Variants in BBS9 observed in about 807,000 individuals in gnomAD.
BBS9 encodes the protein protein PTHB1.
In BBS9, 89 loss-of-function variants were observed where a neutral mutation model predicts 117.7. That is an observed-to-expected ratio of 0.76 (90% CI 0.64 to 0.90). The LOEUF (loss-of-function observed/expected upper bound fraction) is 0.90. BBS9 is among the 40% of genes least tolerant of loss of function. BBS9 has a pLI of 0.00. For synonymous variants in BBS9, 379 were observed against 370.9 expected, an observed-to-expected ratio of 1.02 and a Z score of -0.25; for missense variants, 982 against 1,042.2, an observed-to-expected ratio of 0.94 and a Z score of 0.80.
intron 19 of BBS9, among the ~76,000 whole-genome samples, chr7:33,415,714 G>A (rs1376904684): frequency 1.3e-5 from 2 of 152,136 alleles, no homozygotes; most frequent in East Asian, 3.9e-4. Flanking sequence ...ACACTCCCAA[G>A]AAAGCGTAGT....
At chr7:33,566,280 T>C (rs1413978002) in intron 21 of BBS9, among the ~76,000 whole-genome samples, 1 of 131,920 alleles carries the variant, frequency 7.6e-6, no homozygotes, top group Admixed American at 8.5e-5. Flanking sequence ...GTCTGTACTT[T>C]TGCCAAGTTT....
intron 19 of BBS9, among the ~76,000 whole-genome samples, chr7:33,435,683 C>A (rs1584818309): frequency 6.6e-6 from 1 of 152,108 alleles, no homozygotes; most frequent in Admixed American, 6.6e-5. Flanking sequence ...AACCAGTTTG[C>A]CCCATTTGCA....
intron 9 of BBS9, among the ~76,000 whole-genome samples, chr7:33,284,746 C>T (rs1259429942): frequency 6.6e-6 from 1 of 152,050 alleles, no homozygotes; most frequent in Non-Finnish European, 1.5e-5. Flanking sequence ...TTTGTTTTCT[C>T]TGTTTTCTGT....
At chr7:33,357,794 A>C in intron 15 of BBS9, 61 bp from the exon 16 acceptor site, 4 of 1,524,974 alleles carry the variant, frequency 2.6e-6, no homozygotes, top group Non-Finnish European at 1.8e-6. Flanking sequence ...TAGTAGTACA[A>C]TTTTTTTTTG....
intron 21 of BBS9, among the ~76,000 whole-genome samples, chr7:33,548,626 C>T (rs1853825607): frequency 6.6e-6 from 1 of 151,230 alleles, no homozygotes; most frequent in Non-Finnish European, 1.5e-5. Flanking sequence ...CGATAGTTTA[C>T]CAACAACAGA....
At chr7:33,405,012 A>G (rs1325826199) in intron 19 of BBS9, among the ~76,000 whole-genome samples, 1 of 152,200 alleles carries the variant, frequency 6.6e-6, no homozygotes, top group Non-Finnish European at 1.5e-5. Context: ...ATTTTGAGAT[A>G]TGTCCCATCA....
intron 6 of BBS9, among the ~76,000 whole-genome samples, chr7:33,262,395 C>A (rs755485108): frequency 6.6e-6 from 1 of 152,138 alleles, no homozygotes; most frequent in Non-Finnish European, 1.5e-5. Flanking sequence ...AATGAACCAC[C>A]TATGTAACTA....
intron 5 of BBS9, among the ~76,000 whole-genome samples, chr7:33,251,351 A>G (rs1796189412): frequency 6.6e-6 from 1 of 152,194 alleles, no homozygotes; most frequent in Non-Finnish European, 1.5e-5. Flanking sequence ...GCTGTAAATT[A>G]TCCCTGAACC....
chr7:33,562,654 G>A (rs1416723873), intron 21 of BBS9, among the ~76,000 whole-genome samples: 2 of 152,174 alleles, frequency 1.3e-5, no homozygotes, highest in Admixed American at 6.5e-5. Flanking sequence ...GGCTGGGCGC[G>A]GTGGCTCATG....
intron 19 of BBS9, among the ~76,000 whole-genome samples, chr7:33,429,978 A>G (rs1834200324): frequency 6.6e-6 from 1 of 152,146 alleles, no homozygotes; most frequent in Admixed American, 6.5e-5. Context: ...CCCATGAGGA[A>G]AGGGTCTTTT....
At chr7:33,347,427 C>T (rs1447897386) in intron 12 of BBS9, among the ~76,000 whole-genome samples, 1 of 151,864 alleles carries the variant, frequency 6.6e-6, no homozygotes, top group Non-Finnish European at 1.5e-5. Flanking sequence ...CAGGGTTTTA[C>T]TAAAAAGGTA....
intron 21 of BBS9, among the ~76,000 whole-genome samples, chr7:33,563,537 A>G (rs1016514309): frequency 5.9e-5 from 9 of 152,232 alleles, no homozygotes; most frequent in Non-Finnish European, 1.5e-5. Context: ...TAACTTTGTT[A>G]TGGCCTATTG....
chr7:33,273,137 A>G lies in BBS9; in HGVS notation c.828A>G (p.Gln276=), dbSNP rs1800122700. Residue 276 remains glutamine, a synonymous_variant, in exon 8 of 23, where the codon CAA becomes CAG. Transcript: ENST00000242067. ...RNFFCLKDNG[Q]IRFMKKLDWS... ...TTTTTTGCCTTAAGGATAATGGACA[A>G]ATTCGATTCATGAAGAAGCTTGATT... The G allele has an allele frequency of 6.2e-7, 1 of 1,613,740 alleles. No homozygotes were observed. The highest frequency in any genetic ancestry group is 2.2e-5 in the East Asian group (1 of 44,804).
intron 4 of BBS9, among the ~76,000 whole-genome samples, chr7:33,175,462 T>C (rs1797212704): frequency 6.6e-6 from 1 of 152,192 alleles, no homozygotes. Flanking sequence ...TTAAATTTAA[T>C]GGCCTTTAAC....
intron 4 of BBS9, among the ~76,000 whole-genome samples, chr7:33,158,382 G>A (rs1794378708): frequency 1.3e-5 from 2 of 152,114 alleles, no homozygotes; most frequent in Non-Finnish European, 2.9e-5. Flanking sequence ...AATCATATAT[G>A]CTATATTCAG....
intron 4 of BBS9, among the ~76,000 whole-genome samples, chr7:33,168,093 A>T (rs1301021306): frequency 2.0e-5 from 3 of 152,218 alleles, no homozygotes; most frequent in Non-Finnish European, 4.4e-5. Flanking sequence ...TTCATGTTTG[A>T]CAGTGCTTCC....
At chr7:33,158,964 T>C (rs1481106620) in intron 4 of BBS9, among the ~76,000 whole-genome samples, 1 of 127,546 alleles carries the variant, frequency 7.8e-6, no homozygotes, top group Admixed American at 8.0e-5. Flanking sequence ...GAAAATAGAA[T>C]GAGGTACAGA....
chr7:33,507,929 A>G (rs10224676), intron 20 of BBS9, among the ~76,000 whole-genome samples: 3,004 of 152,192 alleles, frequency 0.02, 77 homozygotes, highest in African/African-American at 0.055. Context: ...GGCGTTTTTT[A>G]TTTGCTATTT....
intron 21 of BBS9, among the ~76,000 whole-genome samples, chr7:33,564,964 G>C (rs924823487): frequency 2.0e-5 from 3 of 152,150 alleles, no homozygotes; most frequent in African/African-American, 7.2e-5. Flanking sequence ...ATATAATGTA[G>C]TGCATGAGGC....
Sources: allele counts gnomAD v4.1 joint callset (sites outside exome capture counted in the v4.1 genomes callset), GRCh38; gene constraint gnomAD v4.1.1; transcripts MANE v1.5; gene names NCBI Gene and HGNC (gene_info 2026-07-23, HGNC 2026-07-21).